C1orf21: variants seen among roughly 807,000 people sequenced by gnomAD.
The protein encoded by C1orf21 is uncharacterized protein C1orf21.
Under a neutral mutation model 18.7 loss-of-function variants are expected in C1orf21, and 3 were observed. That is an observed-to-expected ratio of 0.16 (90% confidence interval 0.07 to 0.42). The LOEUF (loss-of-function observed/expected upper bound fraction) is 0.42. Among genes scored for constraint, C1orf21 ranks in the 10% least tolerant of loss-of-function variants. The probability of loss-of-function intolerance (pLI) is 0.99; values close to 1 mark genes in which losing one functional copy is unlikely to be tolerated. For synonymous variants in C1orf21, 41 were observed against 46.4 expected, an observed-to-expected ratio of 0.88 and a Z score of 0.47; for missense variants, 104 against 143.6, an observed-to-expected ratio of 0.72 and a Z score of 1.41.
chr1:184,504,525 G>T (rs995229367), intron 2 of C1orf21, among the ~76,000 whole-genome samples: 6 of 152,230 alleles, frequency 3.9e-5, no homozygotes, highest in African/African-American at 1.4e-4. Context: ...CTCAGAGGCT[G>T]GTTGGTGAGG....
rs893070421 is a variant in C1orf21 at position 184,621,432 on chromosome 1, C to T, written c.*1876C>T. 3 of 152,610 alleles carry T rather than the reference C, an allele frequency of 2.0e-5. No individual in the cohort carries two copies. Among genetic ancestry groups the T allele is most frequent in the African/African-American group, 7.2e-5 (3 of 41,428 alleles). The allele number at this position is 152,610 out of a possible 1,614,324, so 9.5% of individuals were successfully genotyped here. A position where few individuals can be genotyped will look rare whatever the true frequency, so the allele number is the denominator to read the frequency against. ...AGTAGTCTAGGGTTTCAGGTTGCCT[C>T]CCCTCATATGGTTTTTGGCCAAGTG... On this transcript the variant is annotated 3_prime_UTR_variant, in exon 6 of 6. Transcript: ENST00000235307.
chr1:184,451,218 C>T (rs752798731), intron 1 of C1orf21, among the ~76,000 whole-genome samples: 5 of 152,002 alleles, frequency 3.3e-5, no homozygotes. Context: ...TTAAATGGAC[C>T]ATATAAAAAT....
intron 1 of C1orf21, among the ~76,000 whole-genome samples, chr1:184,474,371 C>T (rs935729707): frequency 5.3e-5 from 8 of 152,100 alleles, no homozygotes; most frequent in Admixed American, 2.6e-4. Context: ...CTGCCCCTCA[C>T]CCCAATGCTT....
chr1:184,534,309 A>G (rs1422730753), intron 3 of C1orf21, among the ~76,000 whole-genome samples: 4 of 152,182 alleles, frequency 2.6e-5, no homozygotes, highest in Non-Finnish European at 2.9e-5. Context: ...CTTGCCAGCT[A>G]TTGCCGAGAT....
chr1:184,495,587 G>A (rs1417855882), intron 2 of C1orf21, among the ~76,000 whole-genome samples: 1 of 151,858 alleles, frequency 6.6e-6, no homozygotes, highest in Non-Finnish European at 1.5e-5. Context: ...CCATCAAATA[G>A]CATCAATATT....
rs1234461423 is a variant in C1orf21 at position 184,505,330 on chromosome 1, TATATATATATAC to T, written c.95-2256_95-2245del. 1.1e-3 allele frequency among the ~76,000 whole-genome samples: 146 copies of T among 134,476 alleles called. 2 individuals carry two copies. The highest frequency in any genetic ancestry group is 1.7e-3 in the African/African-American group (54 of 31,858). The allele number at this position is 134,476 out of a possible 152,430, so 88.2% of individuals were successfully genotyped here. A position where few individuals can be genotyped will look rare whatever the true frequency, so the allele number is the denominator to read the frequency against. ...AAATATATATATATATATATATATA[TATATATATATAC>T]ACACATGCCATATATATATAGACAT... On this transcript the variant is annotated intron_variant, in intron 2 of 5. Coordinates refer to ENST00000235307, the MANE Select transcript of C1orf21 (RefSeq NM_030806.4).
At chr1:184,616,760 T>C (rs1659832803) in intron 5 of C1orf21, among the ~76,000 whole-genome samples, 1 of 151,992 alleles carries the variant, frequency 6.6e-6, no homozygotes, top group African/African-American at 2.4e-5. Context: ...TGTCTGCCAT[T>C]CCTTCCACGT....
At chr1:184,419,867 A>AC (rs1372366697) in intron 1 of C1orf21, among the ~76,000 whole-genome samples, 2 of 152,158 alleles carry the variant, frequency 1.3e-5, no homozygotes, top group East Asian at 3.9e-4. Flanking sequence ...AGGCAAGGGC[A>AC]CAGCGCCAGA....
chr1:184,590,368 CG>C lies in C1orf21; in HGVS notation c.190-369del, dbSNP rs796899810. On this transcript the variant is annotated intron_variant, in intron 3 of 5. Transcript: ENST00000235307. ...AGTTGTCTTTTACAAATAAATTGCACGGAAGTCAGTTAACCTGAGCAAGTGA... is the reference window on the plus strand; with the variant it reads ...AGTTGTCTTTTACAAATAAATTGCACGAAGTCAGTTAACCTGAGCAAGTGA... Among the ~76,000 whole-genome samples the C allele has an allele frequency of 6.6e-5, 10 of 152,272 alleles. 1 individual carries two copies. Among genetic ancestry groups the C allele is most frequent in the African/African-American group, 2.2e-4 (9 of 41,564 alleles).
intron 1 of C1orf21, among the ~76,000 whole-genome samples, chr1:184,439,726 G>A (rs933616118): frequency 1.3e-5 from 2 of 152,110 alleles, no homozygotes; most frequent in Admixed American, 1.3e-4. Context: ...TGAGGCAAGA[G>A]GATCACTTAA....
intron 1 of C1orf21, among the ~76,000 whole-genome samples, chr1:184,450,888 T>A (rs1400271232): frequency 6.6e-6 from 1 of 152,224 alleles, no homozygotes; most frequent in Non-Finnish European, 1.5e-5. Flanking sequence ...GTTTGTTTGT[T>A]TGTTTTCCTG....
chr1:184,590,655 A>G, intron 3 of C1orf21, 84 bp from the exon 4 acceptor site: 2 of 1,359,522 alleles, frequency 1.5e-6, no homozygotes, highest in Non-Finnish European at 2.1e-6. Flanking sequence ...AACAGATTGA[A>G]CGTTTGTGTG....
chr1:184,594,916 T>G (rs1234044450), intron 4 of C1orf21, among the ~76,000 whole-genome samples: 1 of 152,234 alleles, frequency 6.6e-6, no homozygotes, highest in Admixed American at 6.5e-5. Flanking sequence ...GCCCCATATC[T>G]TTTAGCTCTA....
chr1:184,407,511 C>T (rs1333956211), intron 1 of C1orf21, among the ~76,000 whole-genome samples: 1 of 152,212 alleles, frequency 6.6e-6, no homozygotes, highest in African/African-American at 2.4e-5. Flanking sequence ...CCACGGGTCA[C>T]ATCCTGAGTT....
intron 1 of C1orf21, among the ~76,000 whole-genome samples, chr1:184,469,763 G>A (rs955176306): frequency 1.3e-5 from 2 of 152,058 alleles, no homozygotes; most frequent in African/African-American, 4.8e-5. Context: ...AATAAAGCTA[G>A]GGCAAGCACT....
At chr1:184,394,370 TC>T (rs112365254) in intron 1 of C1orf21, among the ~76,000 whole-genome samples, 2,728 of 152,320 alleles carry the variant, frequency 0.018, 82 homozygotes, top group African/African-American at 0.062. Flanking sequence ...TTATGGTTTT[TC>T]CCACCTGAAC....
In C1orf21 at chr1:184,505,306, A is replaced by AATATATATATAT. The variant is rs59445875; in HGVS notation, c.95-2258_95-2247dup. Reference sequence around the variant, plus strand: ...AGAATCCACTTGTGATACATAAAGAAATATATATATATATATATATATATA... The same window carrying AATATATATATAT: ...AGAATCCACTTGTGATACATAAAGAAATATATATATATATATATATATATATATATATATATA... On this transcript the variant is annotated intron_variant, in intron 2 of 5. Coordinates refer to ENST00000235307, the MANE Select transcript of C1orf21 (RefSeq NM_030806.4). Among the ~76,000 whole-genome samples, 646 of 66,446 alleles carry AATATATATATAT rather than the reference A, an allele frequency of 9.7e-3. 3 individuals are homozygous for AATATATATATAT. The highest frequency in any genetic ancestry group is 0.012 in the African/African-American group (185 of 16,082). 43.6% of individuals were successfully genotyped at this position (66,446 alleles called of 152,430 possible). A position where few individuals can be genotyped will look rare whatever the true frequency, so the allele number is the denominator to read the frequency against.
intron 3 of C1orf21, among the ~76,000 whole-genome samples, chr1:184,580,394 G>A (rs1659259626): frequency 6.6e-6 from 1 of 152,226 alleles, no homozygotes; most frequent in Non-Finnish European, 1.5e-5. Context: ...TGAATGGAAA[G>A]TCTACTGAAC....
At chr1:184,582,114 G>A (rs760003242) in intron 3 of C1orf21, among the ~76,000 whole-genome samples, 1 of 152,164 alleles carries the variant, frequency 6.6e-6, no homozygotes, top group African/African-American at 2.4e-5. Flanking sequence ...TGGCTTCTCT[G>A]ATCACCATCA....
Sources: gnomAD v4.1 joint callset for allele counts (sites outside exome capture counted in the v4.1 genomes callset) on GRCh38, gnomAD v4.1.1 for gene constraint, MANE v1.5 for transcripts, NCBI Gene and HGNC (gene_info 2026-07-23, HGNC 2026-07-21) for gene names.